NECAB1: variants seen among roughly 807,000 people sequenced by gnomAD.
NECAB1 encodes N-terminal EF-hand calcium binding protein 1.
In NECAB1, 29 loss-of-function variants were observed where a neutral mutation model predicts 57.5. That is an observed-to-expected ratio of 0.50 (90% CI 0.38 to 0.69). The LOEUF is 0.69. NECAB1 is among the 30% of genes least tolerant of loss of function. NECAB1 has a pLI of 0.00. For missense variants in NECAB1, 372 were observed against 413.8 expected (o/e 0.90, Z 0.88); for synonymous variants, 142 against 147.7 (o/e 0.96, Z 0.28).
At chr8:90,889,237 T>C (rs12675931) in intron 5 of NECAB1, among the ~76,000 whole-genome samples, 44,636 of 152,008 alleles carry the variant, frequency 0.29, 7,240 homozygotes, top group East Asian at 0.61. Context: ...GTAATGTATT[T>C]TATCCTAATC....
chr8:90,862,710 T>C lies in NECAB1; in HGVS notation c.234-9418T>C, dbSNP rs187796300. On this transcript the variant is annotated intron_variant, in intron 3 of 12. Coordinates refer to ENST00000417640, the MANE Select transcript of NECAB1 (RefSeq NM_022351.5). Reference sequence around the variant, plus strand: ...ATATAAGATCACTAACAAGCCATATTTTGAGGGGATAAATTAATAAGTAGA... The same window carrying C: ...ATATAAGATCACTAACAAGCCATATCTTGAGGGGATAAATTAATAAGTAGA... Among the ~76,000 whole-genome samples the C allele has an allele frequency of 2.9e-3, 447 of 152,256 alleles. 2 individuals are homozygous for C. The highest frequency in any genetic ancestry group is 0.01 in the African/African-American group (416 of 41,572).
intron 12 of NECAB1, among the ~76,000 whole-genome samples, chr8:90,951,779 A>C (rs553581324): frequency 7.3e-5 from 11 of 151,124 alleles, no homozygotes; most frequent in African/African-American, 2.4e-4. Context: ...AAAAAAACCC[A>C]GCTAAGGGAA....
In NECAB1 at chr8:90,844,854, C is replaced by T. The variant is rs535281568; in HGVS notation, c.233+20029C>T. On this transcript the variant is annotated intron_variant, in intron 3 of 12. Coordinates refer to ENST00000417640, the MANE Select transcript of NECAB1 (RefSeq NM_022351.5). Reference sequence around the variant, plus strand: ...TTAATTGAAAAGTTAAAAATTTGGCCCATTGTTTGAGTCAGAGTTCTCTAG... The same window carrying T: ...TTAATTGAAAAGTTAAAAATTTGGCTCATTGTTTGAGTCAGAGTTCTCTAG... Among the ~76,000 whole-genome samples, 20 of 152,156 alleles carry T rather than the reference C, an allele frequency of 1.3e-4. No individual in the cohort carries two copies. In the South Asian group the frequency reaches 3.7e-3, roughly 28 times the overall value.
At chr8:90,952,236 CT>C (rs1248344381) in intron 12 of NECAB1, among the ~76,000 whole-genome samples, 3 of 151,296 alleles carry the variant, frequency 2.0e-5, no homozygotes, top group Admixed American at 2.0e-4. Context: ...AAAAAAAAAC[CT>C]GCACCAGGAA....
chr8:90,796,953 C>T (rs1320836728), intron 1 of NECAB1, among the ~76,000 whole-genome samples: 1 of 152,202 alleles, frequency 6.6e-6, no homozygotes, highest in Non-Finnish European at 1.5e-5. Context: ...GGGTCCAACT[C>T]TGTGGTGTGT....
intron 11 of NECAB1, among the ~76,000 whole-genome samples, chr8:90,950,725 A>T (rs1187401788): frequency 6.6e-6 from 1 of 151,916 alleles, no homozygotes; most frequent in Admixed American, 6.6e-5. Context: ...AACTTATTCG[A>T]CTCTGCTTCC....
At chr8:90,813,284 G>C (rs1811999836) in intron 2 of NECAB1, 1 of 150,322 alleles carries the variant, frequency 6.7e-6, no homozygotes, top group Admixed American at 6.6e-5. Flanking sequence ...TGTATAAGCA[G>C]TGACACATGA....
At chr8:90,903,391 CAT>C (rs1367637565) in intron 5 of NECAB1, among the ~76,000 whole-genome samples, 5 of 151,860 alleles carry the variant, frequency 3.3e-5, no homozygotes, top group African/African-American at 9.7e-5. Context: ...CAGAAAAAAA[CAT>C]GTCACATATC....
chr8:90,911,026 G>A (rs544433331), intron 5 of NECAB1, among the ~76,000 whole-genome samples: 38 of 152,226 alleles, frequency 2.5e-4, no homozygotes, highest in South Asian at 1.2e-3. Context: ...GGAGCTTTTT[G>A]TTGTTGCTGT....
chr8:90,915,409 A>G (rs1809926824), intron 5 of NECAB1, among the ~76,000 whole-genome samples: 1 of 152,142 alleles, frequency 6.6e-6, no homozygotes, highest in South Asian at 2.1e-4. Context: ...ATCAAATTAA[A>G]TATTTGGAAT....
intron 6 of NECAB1, among the ~76,000 whole-genome samples, chr8:90,920,140 A>C (rs1010483046): frequency 2.6e-5 from 4 of 152,156 alleles, no homozygotes; most frequent in Non-Finnish European, 5.9e-5. Context: ...AATAATGGGA[A>C]ATGTTACATG....
At chr8:90,949,947 T>G (rs1048152888) in intron 11 of NECAB1, 63 bp downstream of exon 11, 1 of 1,009,800 alleles carries the variant, frequency 9.9e-7, no homozygotes, top group African/African-American at 1.6e-5. Context: ...CATGATGTAA[T>G]TTTAGGATTT....
intron 2 of NECAB1, among the ~76,000 whole-genome samples, chr8:90,816,986 C>A (rs1812070056): frequency 2.0e-5 from 3 of 151,640 alleles, no homozygotes; most frequent in Admixed American, 1.3e-4. Flanking sequence ...TATTTAATTT[C>A]TTTCATCAGA....
At chr8:90,954,440 G>C (rs1318868190) in intron 12 of NECAB1, among the ~76,000 whole-genome samples, 1 of 151,872 alleles carries the variant, frequency 6.6e-6, no homozygotes, top group Non-Finnish European at 1.5e-5. Flanking sequence ...ATATAAACTT[G>C]GTCTGTGGAG....
At chr8:90,872,861 C>T (rs977451660) in intron 4 of NECAB1, among the ~76,000 whole-genome samples, 12 of 152,040 alleles carry the variant, frequency 7.9e-5, no homozygotes, top group Admixed American at 2.6e-4. Flanking sequence ...TATTTAAGTT[C>T]GATCTTATTG....
chr8:90,928,010 TTA>T lies in NECAB1; in HGVS notation c.617-212_617-211del, dbSNP rs1039042207. Among the ~76,000 whole-genome samples, 5 of 41,002 alleles carry T rather than the reference TTA, an allele frequency of 1.2e-4. No homozygotes were observed. In the African/African-American group the frequency reaches 4.0e-3, roughly 33 times the overall value. 26.9% of individuals were successfully genotyped at this position (41,002 alleles called of 152,430 possible). A position where few individuals can be genotyped will look rare whatever the true frequency, so the allele number is the denominator to read the frequency against. On this transcript the variant is annotated intron_variant, in intron 7 of 12. Transcript: ENST00000417640. ...ATCAAAGGCCAAATAGGCAATTACA[TTA>T]AAAAACAGGCCTGTGGAAGTGAACC...
intron 5 of NECAB1, among the ~76,000 whole-genome samples, chr8:90,904,631 G>C (rs74836841): frequency 0.079 from 12,030 of 151,976 alleles, 478 homozygotes; most frequent in Middle Eastern, 0.13. Context: ...AGAAGATTGA[G>C]TGGGAAGGTC....
chr8:90,912,468 T>G (rs941618469), intron 5 of NECAB1, among the ~76,000 whole-genome samples: 2 of 152,192 alleles, frequency 1.3e-5, no homozygotes, highest in Admixed American at 6.5e-5. Flanking sequence ...GGCTCAGAAT[T>G]TATTTCAATT....
Position 90,827,946 on chromosome 8 carries a change from A to T in NECAB1, c.233+3121A>T, listed in dbSNP as rs62528312. ...TAAATATAGAGTAGTGTAATTATTT[A>T]AAAAAAAGTCTTAAGAAAACAAAAA... On this transcript the variant is annotated intron_variant, in intron 3 of 12. Coordinates refer to ENST00000417640, the MANE Select transcript of NECAB1 (RefSeq NM_022351.5). Among the ~76,000 whole-genome samples the T allele has an allele frequency of 5.3e-5, 8 of 151,738 alleles. No individual in the cohort carries two copies. The South Asian group carries it at 6.2e-4, about 12-fold the overall frequency.
Sources: gnomAD v4.1 joint callset for allele counts (sites outside exome capture counted in the v4.1 genomes callset) on GRCh38, gnomAD v4.1.1 for gene constraint, MANE v1.5 for transcripts, NCBI Gene and HGNC (gene_info 2026-07-23, HGNC 2026-07-21) for gene names.